Variants in HHAT observed in about 807,000 individuals in gnomAD.
The protein encoded by HHAT is hedgehog acyltransferase.
HHAT carries 47 observed loss-of-function variants against 70.8 expected under a neutral mutation model. The observed-to-expected ratio is 0.66, with a 90% CI of 0.53 to 0.85. The LOEUF is 0.85. HHAT is among the 40% of genes least tolerant of loss of function. The pLI, the probability that HHAT is intolerant of heterozygous loss-of-function variation, is 0.00. For synonymous variants in HHAT, 228 were observed against 247.6 expected (o/e 0.92, Z 0.74); for missense variants, 609 against 604.8 (o/e 1.01, Z -0.07).
At chr1:210,475,034 T>TA (rs58891613) in intron 8 of HHAT, among the ~76,000 whole-genome samples, 4 of 151,220 alleles carry the variant, frequency 2.6e-5, no homozygotes, top group South Asian at 2.1e-4. Context: ...TGTTTTTTTT[T>TA]AATTTTAGTA....
At chr1:210,442,071 G>A (rs1475327294) in intron 7 of HHAT, among the ~76,000 whole-genome samples, 2 of 141,488 alleles carry the variant, frequency 1.4e-5, no homozygotes, top group African/African-American at 5.3e-5. Context: ...TCATTGTTCA[G>A]TTCCCACCTA....
chr1:210,502,141 T>C (rs902013894), intron 8 of HHAT, among the ~76,000 whole-genome samples: 2 of 151,888 alleles, frequency 1.3e-5, no homozygotes, highest in Admixed American at 1.3e-4. Flanking sequence ...TCCCAGCAGT[T>C]TGGGAGGCCG....
At chr1:210,505,677 T>C (rs1317707698) in intron 8 of HHAT, among the ~76,000 whole-genome samples, 1 of 152,114 alleles carries the variant, frequency 6.6e-6, no homozygotes. Context: ...CAGACAGGAA[T>C]GTAAAGGCTG....
intron 9 of HHAT, among the ~76,000 whole-genome samples, chr1:210,528,845 G>T (rs183621882): frequency 1.3e-5 from 2 of 152,262 alleles, no homozygotes; most frequent in East Asian, 3.9e-4. Context: ...AATCTGTGAT[G>T]CACCTATGTC....
chr1:210,381,674 T>C (rs1439411970), intron 3 of HHAT, among the ~76,000 whole-genome samples: 2 of 152,186 alleles, frequency 1.3e-5, no homozygotes, highest in Non-Finnish European at 2.9e-5. Flanking sequence ...TATCTGCAAA[T>C]ACCATCCATA....
chr1:210,447,860 C>T (rs2093666098), intron 7 of HHAT, among the ~76,000 whole-genome samples: 1 of 152,056 alleles, frequency 6.6e-6, no homozygotes, highest in African/African-American at 2.4e-5. Flanking sequence ...GTGTGTCTAC[C>T]CCTAGACACA....
At chr1:210,396,857 G>T (rs1461140668) in intron 4 of HHAT, among the ~76,000 whole-genome samples, 2 of 152,196 alleles carry the variant, frequency 1.3e-5, no homozygotes, top group Non-Finnish European at 2.9e-5. Flanking sequence ...AGAGGTTACT[G>T]GTTGTCAGGA....
chr1:210,576,304 C>T (rs1162101949), intron 9 of HHAT, among the ~76,000 whole-genome samples: 3 of 152,002 alleles, frequency 2.0e-5, no homozygotes, highest in South Asian at 2.1e-4. Flanking sequence ...AACTGATACA[C>T]AAAAACTGCA....
At chr1:210,359,000 T>C (rs537405496) in intron 2 of HHAT, among the ~76,000 whole-genome samples, 1 of 152,252 alleles carries the variant, frequency 6.6e-6, no homozygotes, top group South Asian at 2.1e-4. Context: ...ACAGCTGACA[T>C]GGTAATCAGG....
intron 7 of HHAT, among the ~76,000 whole-genome samples, chr1:210,424,503 TG>T (rs1372403754): frequency 4.8e-5 from 6 of 123,812 alleles, no homozygotes; most frequent in East Asian, 5.3e-4. Flanking sequence ...ATTTGTGCCA[TG>T]GGTTTTTTTT....
chr1:210,411,693 G>A (rs2092560716), intron 6 of HHAT, among the ~76,000 whole-genome samples: 1 of 152,140 alleles, frequency 6.6e-6, no homozygotes, highest in Admixed American at 6.5e-5. Context: ...CTACCATGAG[G>A]TAGGGTCACA....
At chr1:210,437,686 G>A (rs889986959) in intron 7 of HHAT, among the ~76,000 whole-genome samples, 2 of 151,720 alleles carry the variant, frequency 1.3e-5, no homozygotes, top group Non-Finnish European at 2.9e-5. Flanking sequence ...TAGACTGCCG[G>A]GCCCTTTTGT....
At chr1:210,417,442 C>G (rs2092756295) in intron 6 of HHAT, among the ~76,000 whole-genome samples, 1 of 152,118 alleles carries the variant, frequency 6.6e-6, no homozygotes, top group Non-Finnish European at 1.5e-5. Context: ...ACCATATTGG[C>G]CAGGCTGGTC....
chr1:210,486,794 T>A (rs913870430), intron 8 of HHAT, among the ~76,000 whole-genome samples: 16 of 152,156 alleles, frequency 1.1e-4, no homozygotes, highest in African/African-American at 3.6e-4. Flanking sequence ...AAATCAAGCC[T>A]CTTGATTATC....
chr1:210,353,268 T>C (rs940318368), intron 2 of HHAT, among the ~76,000 whole-genome samples: 2 of 152,078 alleles, frequency 1.3e-5, no homozygotes, highest in Non-Finnish European at 2.9e-5. Flanking sequence ...GAAAATGCAA[T>C]GTACCATGCA....
chr1:210,509,215 T>C (rs1370366590), intron 8 of HHAT, among the ~76,000 whole-genome samples: 2 of 152,268 alleles, frequency 1.3e-5, no homozygotes, highest in African/African-American at 4.8e-5. Flanking sequence ...TTACAGATTT[T>C]GGAATATTTG....
At chr1:210,623,762 A>C (rs554980987) in intron 11 of HHAT, 92 bp downstream of exon 11, 106 of 1,332,232 alleles carry the variant, frequency 8.0e-5, no homozygotes, top group Non-Finnish European at 9.9e-5. Context: ...ATTTGGGGGA[A>C]GTCATTCATT....
At chr1:210,581,444 TAGAGA>T (rs746398876) in intron 9 of HHAT, among the ~76,000 whole-genome samples, 7 of 152,128 alleles carry the variant, frequency 4.6e-5, no homozygotes, top group Non-Finnish European at 8.8e-5. Context: ...GCCAGCTCTG[TAGAGA>T]AGAGAAACCT....
intron 9 of HHAT, among the ~76,000 whole-genome samples, chr1:210,516,790 T>C (rs2095064465): frequency 6.6e-6 from 1 of 152,086 alleles, no homozygotes; most frequent in Admixed American, 6.5e-5. Flanking sequence ...ATCTTTTAAA[T>C]TGATGGAAGT....
Sources: gnomAD v4.1 joint callset for allele counts (sites outside exome capture counted in the v4.1 genomes callset) on GRCh38, gnomAD v4.1.1 for gene constraint, MANE v1.5 for transcripts, NCBI Gene and HGNC (gene_info 2026-07-23, HGNC 2026-07-21) for gene names.